FHIT: variants seen among roughly 807,000 people sequenced by gnomAD.
FHIT encodes fragile histidine triad diadenosine triphosphatase.
A neutral mutation model predicts 17.9 loss-of-function variants in FHIT; 19 were observed. The ratio of observed to expected loss-of-function variants is 1.06; its 90% CI spans 0.74 to 1.56. The LOEUF (loss-of-function observed/expected upper bound fraction) is 1.56. FHIT is among the 40% of genes most tolerant of loss of function. The pLI, the probability that FHIT is intolerant of heterozygous loss-of-function variation, is 0.00. For synonymous variants in FHIT, 81 were observed against 69.7 expected (o/e 1.16, Z -0.81); for missense variants, 248 against 189.2 (o/e 1.31, Z -1.82).
At chr3:60,120,545 T>A (rs994435209) in intron 5 of FHIT, among the ~76,000 whole-genome samples, 2 of 152,158 alleles carry the variant, frequency 1.3e-5, no homozygotes, top group Admixed American at 1.3e-4. Context: ...TGATTAAGAG[T>A]ACGACAGCAG....
At chr3:61,234,079 A>G (rs1252776450) in intron 1 of FHIT, among the ~76,000 whole-genome samples, 1 of 152,226 alleles carries the variant, frequency 6.6e-6, no homozygotes, top group Non-Finnish European at 1.5e-5. Flanking sequence ...TTGATCAACC[A>G]GCAGAAACTG....
intron 5 of FHIT, among the ~76,000 whole-genome samples, chr3:60,134,889 G>T (rs1230431782): frequency 2.0e-5 from 3 of 152,092 alleles, no homozygotes; most frequent in African/African-American, 7.2e-5. Flanking sequence ...ACCTCCAGCA[G>T]AGTCTGCCTT....
At chr3:61,245,844 C>T (rs76725073) in intron 1 of FHIT, among the ~76,000 whole-genome samples, 1 of 152,044 alleles carries the variant, frequency 6.6e-6, no homozygotes, top group East Asian at 1.9e-4. Context: ...GGTGTTTGAA[C>T]CAGAGCAACT....
At chr3:61,218,607 G>C (rs149962765) in intron 1 of FHIT, among the ~76,000 whole-genome samples, 236 of 152,290 alleles carry the variant, frequency 1.5e-3, no homozygotes, top group Non-Finnish European at 2.8e-3. Context: ...ATCTATTTAA[G>C]ATGCAGAGTG....
chr3:60,133,854 A>T (rs1050318236), intron 5 of FHIT, among the ~76,000 whole-genome samples: 4 of 152,020 alleles, frequency 2.6e-5, no homozygotes, highest in African/African-American at 9.7e-5. Flanking sequence ...TTAAAAAAAA[A>T]AACATGTTTC....
intron 3 of FHIT, chr3:60,912,895 T>C: frequency 2.4e-6 from 1 of 421,900 alleles, no homozygotes; most frequent in Non-Finnish European, 4.5e-6. Flanking sequence ...TCCATGTGTA[T>C]GTGCAAGTAC....
At chr3:60,416,385 T>C (rs1448777919) in intron 5 of FHIT, among the ~76,000 whole-genome samples, 1 of 152,184 alleles carries the variant, frequency 6.6e-6, no homozygotes, top group East Asian at 1.9e-4. Context: ...CTACACTCAG[T>C]AGAACAGATT....
At chr3:59,986,578 C>T (rs796764412) in intron 7 of FHIT, among the ~76,000 whole-genome samples, 8,762 of 58,346 alleles carry the variant, frequency 0.15, 2,003 homozygotes, top group African/African-American at 0.26. Context: ...CATATATACA[C>T]ACACACACAC....
At chr3:60,690,478 T>G in intron 4 of FHIT, 1 of 569,530 alleles carries the variant, frequency 1.8e-6, no homozygotes, top group Non-Finnish European at 3.5e-6. Flanking sequence ...ATCAAATTTC[T>G]CCCTGTAGAT....
At chr3:59,928,861 G>A (rs1705804819) in intron 7 of FHIT, among the ~76,000 whole-genome samples, 1 of 151,952 alleles carries the variant, frequency 6.6e-6, no homozygotes, top group Non-Finnish European at 1.5e-5. Context: ...CAGGCATGGT[G>A]GCACACACCT....
chr3:60,713,879 T>C (rs11710325), intron 4 of FHIT, among the ~76,000 whole-genome samples: 1 of 149,476 alleles, frequency 6.7e-6, no homozygotes, highest in African/African-American at 2.5e-5. Flanking sequence ...TACCATTCCT[T>C]CTGAAACTAT....
rs557314762 is a variant in FHIT at position 61,183,287 on chromosome 3, GAGTA to G, written c.-164+17326_-164+17329del. 3.7e-3 allele frequency among the ~76,000 whole-genome samples: 514 copies of G among 137,260 alleles called. 1 individual carries two copies. Among genetic ancestry groups the G allele is most frequent in the Middle Eastern group, 0.018 (5 of 280 alleles). 90.0% of individuals were successfully genotyped at this position (137,260 alleles called of 152,430 possible). ...CAAGTGCCCAATTTATAGAAAAAGC[GAGTA>G]AGTGACTCTGAATGAATCAACCACA... On this transcript the variant is annotated intron_variant, in intron 2 of 9. Coordinates refer to ENST00000492590, the MANE Select transcript of FHIT (RefSeq NM_002012.4).
intron 2 of FHIT, among the ~76,000 whole-genome samples, chr3:61,042,695 C>G (rs538733268): frequency 7.9e-5 from 12 of 151,966 alleles, no homozygotes; most frequent in East Asian, 5.8e-4. Flanking sequence ...AAAAAATTAG[C>G]TAGGTGTGGT....
At chr3:59,793,926 T>A (rs1241238102) in intron 8 of FHIT, among the ~76,000 whole-genome samples, 1 of 152,102 alleles carries the variant, frequency 6.6e-6, no homozygotes, top group South Asian at 2.1e-4. Context: ...GGCCCATGTA[T>A]CCCCAAAAGT....
chr3:60,854,451 T>C (rs546854271), intron 3 of FHIT, among the ~76,000 whole-genome samples: 264 of 152,214 alleles, frequency 1.7e-3, no homozygotes, highest in Non-Finnish European at 3.1e-3. Flanking sequence ...CGGATATGCA[T>C]GTGTGCATAT....
chr3:60,239,781 CAA>C (rs757292456), intron 5 of FHIT, among the ~76,000 whole-genome samples: 6 of 152,104 alleles, frequency 3.9e-5, no homozygotes, highest in Non-Finnish European at 5.9e-5. Context: ...TTCAGAAAAT[CAA>C]AGACTACCTT....
At chr3:60,396,761 T>A (rs1050502095) in intron 5 of FHIT, among the ~76,000 whole-genome samples, 23 of 152,162 alleles carry the variant, frequency 1.5e-4, no homozygotes, top group African/African-American at 5.3e-4. Flanking sequence ...CTAACAGAAT[T>A]GTTCACTTAA....
At chr3:60,152,803 T>C (rs187313342) in intron 5 of FHIT, among the ~76,000 whole-genome samples, 13 of 152,248 alleles carry the variant, frequency 8.5e-5, no homozygotes, top group Admixed American at 8.5e-4. Flanking sequence ...ATATAAGTTA[T>C]TATAACTTTT....
intron 5 of FHIT, among the ~76,000 whole-genome samples, chr3:60,135,315 T>G (rs1468668903): frequency 1.3e-5 from 2 of 152,008 alleles, no homozygotes; most frequent in African/African-American, 4.8e-5. Context: ...AAATATAAGA[T>G]TATAGGCGAG....
Sources: gnomAD v4.1 joint callset for allele counts (sites outside exome capture counted in the v4.1 genomes callset) on GRCh38, gnomAD v4.1.1 for gene constraint, MANE v1.5 for transcripts, NCBI Gene and HGNC (gene_info 2026-07-23, HGNC 2026-07-21) for gene names.